Variants in CSMD1 observed in about 807,000 individuals in gnomAD.
CSMD1 encodes CUB and sushi domain-containing protein 1.
CSMD1 carries 213 observed loss-of-function variants against 417.5 expected under a neutral mutation model. That is an observed-to-expected ratio of 0.51 (90% CI 0.46 to 0.57). CSMD1 has a LOEUF of 0.57. CSMD1 is among the 20% of genes least tolerant of loss of function. CSMD1 has a pLI of 0.00. For missense variants in CSMD1, 6,923 were observed against 4,529.7 expected (o/e 1.53, Z -15.17); for synonymous variants, 2,862 against 1,736.8 (o/e 1.65, Z -16.11).
intron 2 of CSMD1, among the ~76,000 whole-genome samples, chr8:4,617,222 G>C (rs767325287): frequency 1.3e-4 from 20 of 152,098 alleles, no homozygotes; most frequent in Non-Finnish European, 2.8e-4. Context: ...TATACAAATA[G>C]TGAATAAAGA....
At chr8:3,972,501 C>A (rs1172253092) in intron 5 of CSMD1, among the ~76,000 whole-genome samples, 2 of 152,158 alleles carry the variant, frequency 1.3e-5, no homozygotes, top group African/African-American at 4.8e-5. Flanking sequence ...ATTTTTGCCT[C>A]TGTCATTCTT....
At chr8:4,778,477 T>C (rs73661125) in intron 1 of CSMD1, among the ~76,000 whole-genome samples, 10 of 152,212 alleles carry the variant, frequency 6.6e-5, no homozygotes, top group Non-Finnish European at 1.3e-4. Flanking sequence ...CTGCATGAGA[T>C]AATGCACAAA....
intron 3 of CSMD1, among the ~76,000 whole-genome samples, chr8:4,130,600 T>A (rs1803039543): frequency 6.6e-6 from 1 of 152,160 alleles, no homozygotes; most frequent in Admixed American, 6.5e-5. Flanking sequence ...CAAAATTGTA[T>A]TACGCTCTTG....
chr8:3,440,602 G>A lies in CSMD1; in HGVS notation c.1561+28110C>T, dbSNP rs999816615. 3.3e-5 allele frequency among the ~76,000 whole-genome samples: 5 copies of A among 152,058 alleles called. No individual in the cohort carries two copies. The South Asian group carries it at 1.0e-3, about 32-fold the overall frequency. Reference sequence around the variant, plus strand: ...TCACGTTACTTGCAAGTAGAGTCAGGTTTACTGTTTTTCTTTGCAATCTGT... The same window carrying A: ...TCACGTTACTTGCAAGTAGAGTCAGATTTACTGTTTTTCTTTGCAATCTGT... On this transcript the variant is annotated intron_variant, in intron 12 of 69. Transcript: ENST00000635120.
intron 1 of CSMD1, among the ~76,000 whole-genome samples, chr8:4,859,032 T>C (rs1255913818): frequency 6.6e-6 from 1 of 151,654 alleles, no homozygotes; most frequent in South Asian, 2.1e-4. Context: ...AAGGCTACAG[T>C]AACCAAAACA....
chr8:3,802,901 A>T (rs1017873274), intron 5 of CSMD1, among the ~76,000 whole-genome samples: 2 of 152,160 alleles, frequency 1.3e-5, no homozygotes, highest in Admixed American at 6.5e-5. Flanking sequence ...TGATTTGACA[A>T]AGGAAAACAG....
chr8:4,041,170 C>T (rs1211191659), intron 3 of CSMD1, among the ~76,000 whole-genome samples: 59 of 151,874 alleles, frequency 3.9e-4, no homozygotes, highest in Non-Finnish European at 1.3e-4. Context: ...GCGCCCGCCA[C>T]CACGCCCGGC....
intron 10 of CSMD1, among the ~76,000 whole-genome samples, chr8:3,524,569 C>T (rs1797675057): frequency 6.9e-6 from 1 of 144,640 alleles, no homozygotes; most frequent in South Asian, 2.3e-4. Flanking sequence ...ACATGCATAC[C>T]CAGACACTTA....
chr8:3,663,098 C>T (rs1563247524), intron 7 of CSMD1, among the ~76,000 whole-genome samples: 1 of 152,104 alleles, frequency 6.6e-6, no homozygotes, highest in Non-Finnish European at 1.5e-5. Context: ...ACAGAACTGC[C>T]CGCAATGAAG....
Position 4,438,707 on chromosome 8 carries a change from A to T in CSMD1, c.303-18642T>A, listed in dbSNP as rs1472385353. The stretch of plus-strand genomic sequence containing the variant: ...GCAAACTCTTGCGGCCTTCATACTC[A>T]GTTGAGATTACCTGCAGTTACCTGC... On this transcript the variant is annotated intron_variant, in intron 2 of 69. Transcript: ENST00000635120. Among the ~76,000 whole-genome samples, 5 of 152,224 alleles carry T rather than the reference A, an allele frequency of 3.3e-5. No homozygotes were observed. The East Asian group carries it at 9.6e-4, about 29-fold the overall frequency.
chr8:3,830,798 T>A (rs1802333506), intron 5 of CSMD1, among the ~76,000 whole-genome samples: 1 of 152,216 alleles, frequency 6.6e-6, no homozygotes, highest in African/African-American at 2.4e-5. Context: ...AGTAAAATGC[T>A]AACTGAAATA....
At chr8:3,613,441 A>C (rs530886341) in intron 8 of CSMD1, among the ~76,000 whole-genome samples, 17 of 152,174 alleles carry the variant, frequency 1.1e-4, no homozygotes, top group African/African-American at 4.1e-4. Context: ...AGGAACAACA[A>C]AGTCTTTATA....
At chr8:4,139,686 T>C (rs910601272) in intron 3 of CSMD1, among the ~76,000 whole-genome samples, 2 of 151,104 alleles carry the variant, frequency 1.3e-5, no homozygotes, top group South Asian at 2.1e-4. Flanking sequence ...CATTTGCAAA[T>C]GTTAGAATGA....
chr8:3,000,447 A>G (rs1807302998), intron 52 of CSMD1, among the ~76,000 whole-genome samples: 1 of 152,092 alleles, frequency 6.6e-6, no homozygotes, highest in South Asian at 2.1e-4. Flanking sequence ...ACTATTTTCA[A>G]AACAAAGCAA....
intron 12 of CSMD1, among the ~76,000 whole-genome samples, chr8:3,426,107 T>C (rs2116999705): frequency 6.6e-6 from 1 of 152,374 alleles, no homozygotes; most frequent in Middle Eastern, 3.4e-3. Context: ...GCATGAATTA[T>C]ACTTGGTAAC....
At chr8:3,486,507 A>G (rs1235933650) in intron 11 of CSMD1, among the ~76,000 whole-genome samples, 1 of 152,224 alleles carries the variant, frequency 6.6e-6, no homozygotes, top group Non-Finnish European at 1.5e-5. Flanking sequence ...TTGGGTCTGT[A>G]AAAACAGGCA....
chr8:4,001,042 G>T (rs1815630822), intron 4 of CSMD1, among the ~76,000 whole-genome samples: 1 of 103,292 alleles, frequency 9.7e-6, no homozygotes, highest in Non-Finnish European at 2.0e-5. Flanking sequence ...GTTTCAGAGG[G>T]GAAAATAAAA....
intron 23 of CSMD1, among the ~76,000 whole-genome samples, chr8:3,317,206 T>G (rs1481095614): frequency 6.6e-6 from 1 of 152,194 alleles, no homozygotes; most frequent in Non-Finnish European, 1.5e-5. Flanking sequence ...GCAGATCCCC[T>G]GTATTAACCC....
intron 5 of CSMD1, among the ~76,000 whole-genome samples, chr8:3,786,367 T>C (rs905026902): frequency 6.6e-5 from 10 of 152,054 alleles, no homozygotes; most frequent in South Asian, 2.1e-4. Flanking sequence ...GTGACCTCAT[T>C]TAGGGAGATA....
Sources: allele counts gnomAD v4.1 joint callset (sites outside exome capture counted in the v4.1 genomes callset), GRCh38; gene constraint gnomAD v4.1.1; transcripts MANE v1.5; gene names NCBI Gene and HGNC (gene_info 2026-07-23, HGNC 2026-07-21).